THOP1: variants seen among roughly 807,000 people sequenced by gnomAD.
THOP1 encodes thimet oligopeptidase.
In THOP1, 49 loss-of-function variants were observed where a neutral mutation model predicts 71.8. The observed-to-expected ratio is 0.68, with a 90% confidence interval of 0.54 to 0.87. The LOEUF is 0.87. THOP1 is among the 40% of genes least tolerant of loss of function. The pLI is 0.00. For synonymous variants in THOP1, 426 were observed against 421.5 expected (o/e 1.01, Z -0.13); for missense variants, 843 against 975.6 (o/e 0.86, Z 1.81).
intron 4 of THOP1, 34 bp downstream of exon 4, chr19:2,796,222 G>A: frequency 6.5e-7 from 1 of 1,542,270 alleles, no homozygotes; most frequent in Non-Finnish European, 8.9e-7. Context: ...CTGGGCGTGG[G>A]CAATGGTCGA....
chr19:2,790,100 C>T (rs867589211), intron 1 of THOP1, among the ~76,000 whole-genome samples: 5 of 152,126 alleles, frequency 3.3e-5, no homozygotes, highest in African/African-American at 1.2e-4. Context: ...CCGGGCTGAT[C>T]GTTCTCTGCT....
At chr19:2,797,382 A>G (rs894316984) in intron 4 of THOP1, among the ~76,000 whole-genome samples, 3 of 152,190 alleles carry the variant, frequency 2.0e-5, no homozygotes, top group African/African-American at 7.2e-5. Context: ...ATCAGAATAC[A>G]GGCCCCTGAT....
intron 1 of THOP1, 148 bp from the exon 2 acceptor site, chr19:2,790,273 G>T: frequency 1.4e-6 from 1 of 692,026 alleles, no homozygotes; most frequent in South Asian, 2.3e-5. Context: ...TAGAGGACTG[G>T]TCAGTCTGTG....
chr19:2,810,013 G>A (rs894737707), intron 9 of THOP1: 9 of 479,600 alleles, frequency 1.9e-5, no homozygotes, highest in South Asian at 3.0e-5. Flanking sequence ...CTCGGGGTGC[G>A]GAGCTTTCAG....
rs1185686065 is a variant in THOP1, at chr19:2,808,499, T to C, written c.1455+55T>C. ...CAGGGGCAGGGGCAGGGGCTGCCTG[T>C]GGTCAGCGAGGCCCAAGCCTGGGGC... On this transcript the variant is annotated intron_variant, in intron 9 of 12. Coordinates refer to ENST00000307741, the MANE Select transcript of THOP1 (RefSeq NM_003249.5). The C allele has an allele frequency of 4.0e-6, 6 of 1,510,810 alleles. 1 individual carries two copies. The South Asian group carries it at 7.5e-5, about 19-fold the overall frequency. The allele number at this position is 1,510,810 out of a possible 1,614,324, so 93.6% of individuals were successfully genotyped here. A position where few individuals can be genotyped will look rare whatever the true frequency, so the allele number is the denominator to read the frequency against.
At position 2,791,603 on chromosome 19, in the gene THOP1, G is replaced by A. The variant is rs540846117; in HGVS notation, c.229+970G>A. Among the ~76,000 whole-genome samples the A allele has an allele frequency of 3.7e-3, 563 of 152,284 alleles. 2 individuals carry two copies. The highest frequency in any genetic ancestry group is 5.8e-3 in the Non-Finnish European group (396 of 68,006). ...GCTTCCGACAAGTGGCTTAGAGCCC[G>A]TATGACCTCGGTTTCCCCTCCTCGG... On this transcript the variant is annotated intron_variant, in intron 2 of 12. Transcript: ENST00000307741.
Position 2,801,569 on chromosome 19 carries a change from T to G in THOP1, c.589+1778T>G, listed in dbSNP as rs1916144988. On this transcript the variant is annotated intron_variant, in intron 5 of 12. Coordinates refer to ENST00000307741, the MANE Select transcript of THOP1 (RefSeq NM_003249.5). This position sits in a 1 kb window ranked among gnomAD's most constrained non-coding sequence, Gnocchi z 5.1. ...GTTTCCCTTTGTGGTCCGTCATTTC[T>G]CAGGAGACGCCTTGCGATGGTCTTA... 6.6e-6 allele frequency among the ~76,000 whole-genome samples: 1 copy of G among 152,200 alleles called. No homozygotes were observed. The highest frequency in any genetic ancestry group is 1.5e-5 in the Non-Finnish European group (1 of 68,024).
chr19:2,812,095 T>C (rs1916491269), intron 12 of THOP1: 14 of 1,345,624 alleles, frequency 1.0e-5, no homozygotes, highest in Non-Finnish European at 1.4e-5. Flanking sequence ...CCCATACGAG[T>C]CCTTCCGGGA....
chr19:2,812,953 G>A (rs912213671), intron 12 of THOP1, among the ~76,000 whole-genome samples, 162 bp from the exon 13 acceptor site: 3 of 152,170 alleles, frequency 2.0e-5, no homozygotes, highest in Non-Finnish European at 4.4e-5. Context: ...AAAGGCACCT[G>A]CGCTCTCCCA....
At chr19:2,795,043 C>T (rs575961026) in intron 3 of THOP1, 131 bp downstream of exon 3, 207 of 1,106,750 alleles carry the variant, frequency 1.9e-4, no homozygotes, top group Middle Eastern at 6.4e-4. Context: ...AGGCTAGTCT[C>T]GAACTCCTGA....
intron 1 of THOP1, among the ~76,000 whole-genome samples, chr19:2,786,765 ATT>A (rs550767741): frequency 5.9e-5 from 6 of 101,152 alleles, no homozygotes; most frequent in Admixed American, 9.6e-5. Flanking sequence ...CACCTGGCTA[ATT>A]TTTTTTTTTT....
At chr19:2,796,499 AGGGAGTGCTTGGGCTTG>A (rs1230512414) in intron 4 of THOP1, among the ~76,000 whole-genome samples, 1 of 140,342 alleles carries the variant, frequency 7.1e-6, no homozygotes, top group Non-Finnish European at 1.5e-5. Context: ...TACTGAGCTC[AGGGAGTGCTTGGGCTTG>A]GGGAGTGCTG....
intron 4 of THOP1, 131 bp from the exon 5 acceptor site, chr19:2,799,558 G>A (rs1916095743): frequency 1.4e-6 from 1 of 689,862 alleles, no homozygotes; most frequent in Non-Finnish European, 2.5e-6. Context: ...TTCCTCCTCG[G>A]TTGCCTCTTC....
At chr19:2,812,320 T>C in intron 12 of THOP1, 1 of 1,535,318 alleles carries the variant, frequency 6.5e-7, no homozygotes, top group Non-Finnish European at 8.7e-7. Context: ...CTACCAGCTT[T>C]GAGGGCCGGC....
In THOP1 at chr19:2,813,397, C is replaced by A; in HGVS notation, c.*121C>A. ...TGGGACTGGCAGGGTGGCTGAGCGG[C>A]TGTCTTGCCTCTTGTCATTGTCTGT... On this transcript the variant is annotated 3_prime_UTR_variant, in exon 13 of 13. Transcript: ENST00000307741. 1 of 1,240,506 alleles carries A rather than the reference C, an allele frequency of 8.1e-7. No homozygotes were observed. The highest frequency in any genetic ancestry group is 1.1e-6 in the Non-Finnish European group (1 of 922,554). 76.8% of individuals were successfully genotyped at this position (1,240,506 alleles called of 1,614,324 possible).
At chr19:2,799,210 T>C (rs920994653) in intron 4 of THOP1, among the ~76,000 whole-genome samples, 12 of 152,104 alleles carry the variant, frequency 7.9e-5, no homozygotes, top group Non-Finnish European at 1.8e-4. Flanking sequence ...CCTGTAGTCC[T>C]AGCTACTCAG....
At chr19:2,810,517 T>C (rs2144784241) in intron 10 of THOP1, 27 bp downstream of exon 10, 1 of 1,538,208 alleles carries the variant, frequency 6.5e-7, no homozygotes, top group Non-Finnish European at 8.8e-7. Flanking sequence ...CGGGGAAGGG[T>C]GCTAACCTCG....
In THOP1 at chr19:2,815,048, T is replaced by A. The variant is rs7256331; in HGVS notation, c.*1772T>A. The A allele has an allele frequency of 6.6e-6, 1 of 152,342 alleles. No homozygotes were observed. The highest frequency in any genetic ancestry group is 2.4e-5 in the African/African-American group (1 of 41,430). 9.4% of individuals were successfully genotyped at this position (152,342 alleles called of 1,614,324 possible). A position where few individuals can be genotyped will look rare whatever the true frequency, so the allele number is the denominator to read the frequency against. Reference sequence around the variant, plus strand: ...TGCAGCCTGGGCAACAGAGCAAGACTGTCTCTAAAATAACAATAATAATAA... The same window carrying A: ...TGCAGCCTGGGCAACAGAGCAAGACAGTCTCTAAAATAACAATAATAATAA... On this transcript the variant is annotated 3_prime_UTR_variant, in exon 13 of 13. Transcript: ENST00000307741.
At position 2,789,899 on chromosome 19, in the gene THOP1, T is replaced by G. The variant is rs185088651; in HGVS notation, c.17-522T>G. The G allele has an allele frequency of 4.2e-3, 671 of 160,318 alleles. 4 individuals are homozygous for G. Among genetic ancestry groups the G allele is most frequent in the Non-Finnish European group, 6.5e-3 (468 of 72,292 alleles). 9.9% of individuals were successfully genotyped at this position (160,318 alleles called of 1,614,324 possible). On this transcript the variant is annotated intron_variant, in intron 1 of 12. Transcript: ENST00000307741. Reference sequence around the variant, plus strand: ...TCCTGAGTAGCTGGGATTACAGGCATGCGTGCCACCACGCCCAGCTAATTT... The same window carrying G: ...TCCTGAGTAGCTGGGATTACAGGCAGGCGTGCCACCACGCCCAGCTAATTT...
Sources: allele counts gnomAD v4.1 joint callset (sites outside exome capture counted in the v4.1 genomes callset), GRCh38; gene constraint gnomAD v4.1.1; non-coding constraint Gnocchi (gnomAD v3.1); transcripts MANE v1.5; gene names NCBI Gene and HGNC (gene_info 2026-07-23, HGNC 2026-07-21).